Variants in HFM1 observed in about 807,000 individuals in gnomAD.
The protein encoded by HFM1 is probable ATP-dependent DNA helicase HFM1.
A neutral mutation model predicts 192.1 loss-of-function variants in HFM1; 169 were observed. That is an observed-to-expected ratio of 0.88 (90% CI 0.78 to 1.00). The LOEUF is 1.00. HFM1 is among the 50% of genes least tolerant of loss of function. The pLI is 0.00. For missense variants in HFM1, 1,661 were observed against 1,668.0 expected (o/e 1.00, Z 0.07); for synonymous variants, 525 against 537.8 (o/e 0.98, Z 0.33).
intron 23 of HFM1, among the ~76,000 whole-genome samples, chr1:91,320,740 A>T (rs1202851362): frequency 1.3e-5 from 2 of 152,090 alleles, no homozygotes; most frequent in East Asian, 3.9e-4. Flanking sequence ...TCTCTGCACC[A>T]GATAAGGCAA....
At chr1:91,404,417 G>T (rs959702923) in intron 1 of HFM1, among the ~76,000 whole-genome samples, 1 of 152,180 alleles carries the variant, frequency 6.6e-6, no homozygotes, top group Admixed American at 6.5e-5. Context: ...AGACAGATGG[G>T]TACGTCCCCC....
intron 29 of HFM1, 23 bp downstream of exon 29, chr1:91,313,934 C>A: frequency 8.0e-7 from 1 of 1,243,670 alleles, no homozygotes; most frequent in South Asian, 1.3e-5. Context: ...ATATTCATGT[C>A]TTCATTACTT....
chr1:91,276,823 A>C, intron 31 of HFM1, 80 bp from the exon 32 acceptor site: 1 of 850,316 alleles, frequency 1.2e-6, no homozygotes, highest in Non-Finnish European at 1.8e-6. Context: ...AAAATTTCAA[A>C]TCTAGTATTT....
At chr1:91,365,736 G>A (rs1168452188) in intron 13 of HFM1, among the ~76,000 whole-genome samples, 5 of 151,984 alleles carry the variant, frequency 3.3e-5, no homozygotes, top group African/African-American at 9.7e-5. Flanking sequence ...TAAGGCAAGA[G>A]GAAAGGCATG....
At chr1:91,343,284 C>A in intron 20 of HFM1, 146 bp downstream of exon 20, 189 of 240,376 alleles carry the variant, frequency 7.9e-4, no homozygotes, top group Middle Eastern at 3.1e-3. Flanking sequence ...TTAAATTTAT[C>A]ATGCCTATGG....
chr1:91,382,113 T>G (rs1661619856), intron 6 of HFM1, among the ~76,000 whole-genome samples: 1 of 152,174 alleles, frequency 6.6e-6, no homozygotes, highest in Non-Finnish European at 1.5e-5. Context: ...GCTACGATCC[T>G]GCCATGAGGC....
At chr1:91,295,145 C>T (rs1647322541) in intron 30 of HFM1, among the ~76,000 whole-genome samples, 1 of 151,996 alleles carries the variant, frequency 6.6e-6, no homozygotes, top group Non-Finnish European at 1.5e-5. Context: ...TTCATAGGTT[C>T]CTGACTTTTT....
intron 13 of HFM1, among the ~76,000 whole-genome samples, chr1:91,366,803 G>A (rs1416453307): frequency 2.0e-5 from 3 of 152,186 alleles, no homozygotes; most frequent in Non-Finnish European, 4.4e-5. Flanking sequence ...CTGAAGCAGG[G>A]CGAGGCATCG....
chr1:91,287,298 AT>A (rs1486555857), intron 30 of HFM1, among the ~76,000 whole-genome samples: 1 of 152,234 alleles, frequency 6.6e-6, no homozygotes, highest in Non-Finnish European at 1.5e-5. Flanking sequence ...TTCTCCCAGC[AT>A]GCAGCTGGAG....
Position 91,394,207 on chromosome 1 carries a change from T to C in HFM1, c.380A>G (p.Lys127Arg), listed in dbSNP as rs1663354463. The C allele has an allele frequency of 3.1e-6, 5 of 1,602,680 alleles. No homozygotes were observed. Among genetic ancestry groups the C allele is most frequent in the Non-Finnish European group, 4.3e-6 (5 of 1,169,618 alleles). Reference protein sequence around the residue: ...IAGKLTYASQKYKNHIGTEIA... With the variant: ...IAGKLTYASQRYKNHIGTEIA... ...CTCAGTGCCAATGTGATTTTTATATTTCTGAGAAGCATATGTCAGCTTGCC... is the reference window on the plus strand; with the variant it reads ...CTCAGTGCCAATGTGATTTTTATATCTCTGAGAAGCATATGTCAGCTTGCC... The change falls in exon 4 of 39, where the codon AAA becomes AGA. Residue 127 changes from lysine (K) to arginine (R), a missense_variant. Lys to Arg is a conservative substitution (Grantham distance 26). Transcript: ENST00000370425.
intron 30 of HFM1, among the ~76,000 whole-genome samples, chr1:91,297,661 GCTGATA>G (rs1647875864): frequency 6.6e-6 from 1 of 152,222 alleles, no homozygotes; most frequent in South Asian, 2.1e-4. Flanking sequence ...AGCCTCCGCT[GCTGATA>G]CCCAGGAAAA....
intron 30 of HFM1, among the ~76,000 whole-genome samples, chr1:91,300,742 T>C (rs1012533715): frequency 6.6e-6 from 1 of 152,166 alleles, no homozygotes; most frequent in Admixed American, 6.6e-5. Flanking sequence ...CAACCCTTCA[T>C]GCTAAAAACT....
chr1:91,340,367 G>A (rs940261034), intron 20 of HFM1, among the ~76,000 whole-genome samples: 3 of 152,140 alleles, frequency 2.0e-5, no homozygotes, highest in Non-Finnish European at 2.9e-5. Context: ...GCCAAAATAA[G>A]CTTCATCAAT....
chr1:91,328,762 T>TA, intron 20 of HFM1: 3 of 1,610,890 alleles, frequency 1.9e-6, no homozygotes, highest in Non-Finnish European at 2.5e-6. Context: ...AAAAATTCAC[T>TA]AAGTGGCTGG....
rs201760172 is a variant in HFM1, at chr1:91,284,250, AT to A, written c.3392-7189del. 1.8e-3 allele frequency among the ~76,000 whole-genome samples: 274 copies of A among 148,120 alleles called. 4 individuals are homozygous for A. In the East Asian group the frequency reaches 0.023, roughly 13 times the overall value. On this transcript the variant is annotated intron_variant, in intron 30 of 38. Transcript: ENST00000370425. Reference sequence around the variant, plus strand: ...TTATTATTATTATTATATTATTATTATTTTTTTTTTGAGATAGAGTTTTGCC... The same window carrying A: ...TTATTATTATTATTATATTATTATTATTTTTTTTTGAGATAGAGTTTTGCC...
chr1:91,348,711 C>T (rs1656485471), intron 18 of HFM1, among the ~76,000 whole-genome samples: 1 of 150,950 alleles, frequency 6.6e-6, no homozygotes, highest in South Asian at 2.1e-4. Flanking sequence ...CTTGAGCCCA[C>T]AAGTTCTAGA....
At chr1:91,352,785 T>C (rs1657131368) in intron 15 of HFM1, 134 bp from the exon 16 acceptor site, 24 of 703,664 alleles carry the variant, frequency 3.4e-5, no homozygotes, top group Admixed American at 1.0e-4. Flanking sequence ...AAAAGAGCAT[T>C]ACAATCTAAA....
intron 30 of HFM1, among the ~76,000 whole-genome samples, chr1:91,298,456 A>G (rs1050270358): frequency 6.6e-6 from 1 of 152,152 alleles, no homozygotes; most frequent in African/African-American, 2.4e-5. Context: ...GATACTCCTC[A>G]AGAAGAGCAA....
At chr1:91,394,480 T>C in intron 3 of HFM1, 78 bp from the exon 4 acceptor site, 1 of 878,784 alleles carries the variant, frequency 1.1e-6, no homozygotes, top group Non-Finnish European at 1.7e-6. Flanking sequence ...AAAACTTTAA[T>C]AAAAATTCCA....
Sources: allele counts gnomAD v4.1 joint callset (sites outside exome capture counted in the v4.1 genomes callset), GRCh38; gene constraint gnomAD v4.1.1; transcripts MANE v1.5; gene names NCBI Gene and HGNC (gene_info 2026-07-23, HGNC 2026-07-21).